The following SMIM36 variants were observed in gnomAD, a reference collection of about 807,000 sequenced individuals.
SMIM36 encodes small integral membrane protein 36.
chr17:55,518,940 T>C, the SMIM36 span, among the ~76,000 whole-genome samples: 1 of 151,698 alleles, frequency 6.6e-6, no homozygotes, highest in South Asian at 2.1e-4. Flanking sequence ...AATAAGTAGG[T>C]TTAGAACAGC....
the SMIM36 span, among the ~76,000 whole-genome samples, chr17:55,523,672 G>C: frequency 6.6e-6 from 1 of 152,132 alleles, no homozygotes; most frequent in Non-Finnish European, 1.5e-5. Flanking sequence ...GAGAAAAATA[G>C]GTTTCTGCTG....
At chr17:55,453,300 T>C (rs1049681559) in intron 4 of SMIM36, among the ~76,000 whole-genome samples, 1 of 149,792 alleles carries the variant, frequency 6.7e-6, no homozygotes, top group Non-Finnish European at 1.5e-5. Context: ...CTGGGTGACA[T>C]AAATAAGTAA....
At chr17:55,493,370 G>A (rs1321449807) in intron 1 of SMIM36, among the ~76,000 whole-genome samples, 1 of 152,196 alleles carries the variant, frequency 6.6e-6, no homozygotes, top group Non-Finnish European at 1.5e-5. Context: ...CATAACCCCA[G>A]GCTGCTGCTC....
At chr17:55,461,465 T>C (rs940658876) in intron 4 of SMIM36, among the ~76,000 whole-genome samples, 11 of 152,150 alleles carry the variant, frequency 7.2e-5, no homozygotes, top group Non-Finnish European at 7.3e-5. Context: ...GATCAGTGAT[T>C]GCCAGGGACT....
intron 4 of SMIM36, chr17:55,454,215 G>A (rs935015707): frequency 6.6e-6 from 1 of 152,136 alleles, no homozygotes; most frequent in African/African-American, 2.4e-5. Context: ...TTATTAAAAA[G>A]GAGGAAATGT....
intron 1 of SMIM36, among the ~76,000 whole-genome samples, chr17:55,501,188 A>T (rs1224470627): frequency 1.7e-5 from 1 of 59,112 alleles, no homozygotes; most frequent in Non-Finnish European, 2.9e-5. Context: ...ATAATATATA[A>T]TATATCTTAT....
chr17:55,478,219 C>T (rs1909458708), intron 3 of SMIM36, among the ~76,000 whole-genome samples: 2 of 151,030 alleles, frequency 1.3e-5, no homozygotes, highest in Admixed American at 1.3e-4. Context: ...CCTGTTGTTA[C>T]GTTGTGGGGA....
At chr17:55,509,325 T>C (rs905821017) in intron 1 of SMIM36, among the ~76,000 whole-genome samples, 3 of 152,214 alleles carry the variant, frequency 2.0e-5, no homozygotes, top group Non-Finnish European at 4.4e-5. Flanking sequence ...TTTGTTTTTG[T>C]TATTTCTTCT....
At chr17:55,472,040 T>C (rs1038261670) in intron 3 of SMIM36, among the ~76,000 whole-genome samples, 1 of 152,204 alleles carries the variant, frequency 6.6e-6, no homozygotes, top group Non-Finnish European at 1.5e-5. Context: ...ACTCCAACAG[T>C]AACTATTACC....
At chr17:55,512,464 TC>T (rs1392495976), upstream of SMIM36, among the ~76,000 whole-genome samples, 3 of 152,066 alleles carry the variant, frequency 2.0e-5, no homozygotes, top group Non-Finnish European at 4.4e-5. Flanking sequence ...TTAAAGAGAT[TC>T]CCAAAGGCTG....
At chr17:55,475,960 G>A (rs916142589) in intron 3 of SMIM36, among the ~76,000 whole-genome samples, 8 of 151,962 alleles carry the variant, frequency 5.3e-5, no homozygotes, top group Admixed American at 1.3e-4. Context: ...AATCCCGCTC[G>A]AAGCAGCCCT....
At chr17:55,520,346 C>T in the SMIM36 span, among the ~76,000 whole-genome samples, 23 of 152,246 alleles carry the variant, frequency 1.5e-4, no homozygotes, top group South Asian at 4.2e-3. Flanking sequence ...TTCATTCTAA[C>T]CACCAATCTT....
the SMIM36 span, among the ~76,000 whole-genome samples, chr17:55,528,866 C>T: frequency 1.3e-5 from 2 of 152,112 alleles, no homozygotes; most frequent in Admixed American, 1.3e-4. Flanking sequence ...AAGTCTTAAA[C>T]CTATAACGTA....
the SMIM36 span, among the ~76,000 whole-genome samples, chr17:55,521,821 G>T: frequency 6.6e-6 from 1 of 151,278 alleles, no homozygotes; most frequent in African/African-American, 2.4e-5. Context: ...AATATATTGG[G>T]AATGCAAACT....
intron 1 of SMIM36, among the ~76,000 whole-genome samples, chr17:55,501,789 G>A (rs967032395): frequency 6.6e-6 from 1 of 151,448 alleles, no homozygotes; most frequent in Non-Finnish European, 1.5e-5. Flanking sequence ...GCAGAAGACC[G>A]GTGATTTCTG....
chr17:55,481,694 A>AATTATTATT (rs1409828826), intron 1 of SMIM36, among the ~76,000 whole-genome samples: 3 of 151,990 alleles, frequency 2.0e-5, no homozygotes, highest in Admixed American at 6.6e-5. Context: ...AAAGCATCAT[A>AATTATTATT]ATTATTATTA....
intron 1 of SMIM36, among the ~76,000 whole-genome samples, chr17:55,509,673 C>T (rs1045559338): frequency 3.3e-5 from 5 of 152,138 alleles, no homozygotes; most frequent in African/African-American, 1.2e-4. Context: ...TCTTTATTTC[C>T]ACACAGGTCC....
At chr17:55,519,553 C>CCAAT in the SMIM36 span, among the ~76,000 whole-genome samples, 3 of 151,920 alleles carry the variant, frequency 2.0e-5, no homozygotes, top group African/African-American at 7.3e-5. Context: ...GTAGGGAAGA[C>CCAAT]CATTAGAGTG....
intron 3 of SMIM36, among the ~76,000 whole-genome samples, chr17:55,468,791 C>T (rs922112704): frequency 3.9e-5 from 6 of 152,240 alleles, no homozygotes; most frequent in East Asian, 1.9e-4. Context: ...AAAACCCCTT[C>T]GACTAACACC....
Sources: allele counts gnomAD v4.1 joint callset (sites outside exome capture counted in the v4.1 genomes callset), GRCh38; gene constraint gnomAD v4.1.1; transcripts MANE v1.5; gene names NCBI Gene and HGNC (gene_info 2026-07-23, HGNC 2026-07-21).